The following DPP9 variants were observed in gnomAD, a reference collection of about 807,000 sequenced individuals.
DPP9 encodes dipeptidyl peptidase IV-related protein-2.
Under a neutral mutation model 110.7 loss-of-function variants are expected in DPP9, and 50 were observed. The observed-to-expected ratio is 0.45, with a 90% CI of 0.36 to 0.57. DPP9 has a LOEUF of 0.57. DPP9 is among the 20% of genes least tolerant of loss of function. The probability of loss-of-function intolerance (pLI) is 0.00; values close to 1 mark genes in which losing one functional copy is unlikely to be tolerated. For missense variants in DPP9, 1,022 were observed against 1,217.9 expected, an observed-to-expected ratio of 0.84 and a Z score of 2.39; for synonymous variants, 561 against 514.4, an observed-to-expected ratio of 1.09 and a Z score of -1.23.
chr19:4,685,754 C>T lies in DPP9; in HGVS notation c.1903G>A (p.Val635Ile), dbSNP rs1042334585. The change falls in exon 17 of 22, where the codon GTT (valine) becomes ATT (isoleucine). Residue 635 changes from valine to isoleucine, a missense_variant. Around this residue, in one of 3 missense-constraint regions of DPP9, gnomAD observed 810 missense variants for 920.6 expected, o/e 0.88. Coordinates refer to ENST00000262960, the MANE Select transcript of DPP9 (RefSeq NM_139159.5). The surrounding 1 kb of genome is among the most constrained non-coding windows in gnomAD (Gnocchi z 5.8). ...MEAASCPPDY[V>I]PPEIFHFHTR... ...TGGAAATGGAAGATCTCTGGAGGAA[C>T]ATAATCCGGGGGGCAGCCTGCGGGA... is the stretch of plus-strand genomic sequence containing the variant. 4 of 1,613,188 alleles carry T rather than the reference C, an allele frequency of 2.5e-6. No individual in the cohort carries two copies. Among genetic ancestry groups the T allele is most frequent in the South Asian group, 2.2e-5 (2 of 91,066 alleles).
At chr19:4,714,440 C>T (rs2092982389) in intron 3 of DPP9, 103 bp from the exon 4 acceptor site, 3 of 1,400,498 alleles carry the variant, frequency 2.1e-6, no homozygotes, top group South Asian at 1.5e-5. Context: ...CAGACGAGCC[C>T]CACCCCTGCC....
chr19:4,688,715 G>T, intron 16 of DPP9, 42 bp downstream of exon 16: 1 of 1,385,184 alleles, frequency 7.2e-7, no homozygotes, highest in Non-Finnish European at 9.3e-7. Flanking sequence ...TTTACAGCCG[G>T]GCGGGCGGAG....
chr19:4,706,321 G>T (rs1340644810), intron 4 of DPP9, among the ~76,000 whole-genome samples: 2 of 119,996 alleles, frequency 1.7e-5, no homozygotes, highest in African/African-American at 8.0e-5. Flanking sequence ...ACATAGCAAG[G>T]CCCCGTCTCA....
intron 4 of DPP9, among the ~76,000 whole-genome samples, chr19:4,713,024 C>T (rs2092907271): frequency 6.6e-6 from 1 of 152,230 alleles, no homozygotes; most frequent in Non-Finnish European, 1.5e-5. Flanking sequence ...AGCGCCACCC[C>T]ACCCCCAAGG....
chr19:4,692,151 A>G (rs977112265), intron 13 of DPP9, among the ~76,000 whole-genome samples: 1 of 152,102 alleles, frequency 6.6e-6, no homozygotes, highest in Non-Finnish European at 1.5e-5. Flanking sequence ...CGCTAGGGCT[A>G]GAGACCAAGG....
chr19:4,719,660 A>T, intron 3 of DPP9, 191 bp downstream of exon 3: 1 of 668,050 alleles, frequency 1.5e-6, no homozygotes, highest in Non-Finnish European at 2.6e-6. Context: ...CCCAGCGTCC[A>T]CAGTGCCGAG....
Position 4,689,333 on chromosome 19 carries a change from C to T in DPP9, c.1749+237G>A, listed in dbSNP as rs1387993349. On this transcript the variant is annotated intron_variant, in intron 15 of 21. Transcript: ENST00000262960. The surrounding 1 kb of genome is among the most constrained non-coding windows in gnomAD (Gnocchi z 7.0). The stretch of plus-strand genomic sequence containing the variant: ...CACACAGAGCGGCGGAGCCCCAGCT[C>T]AGCGGACGGGCACTGGGGGGCTCCA... Among the ~76,000 whole-genome samples the T allele has an allele frequency of 6.6e-6, 1 of 152,230 alleles. No homozygotes were observed. The highest frequency in any genetic ancestry group is 2.4e-5 in the African/African-American group (1 of 41,472).
In DPP9 at chr19:4,715,395, C is replaced by G. The variant is rs183618457; in HGVS notation, c.57-1058G>C. On this transcript the variant is annotated intron_variant, in intron 3 of 21. Coordinates refer to ENST00000262960, the MANE Select transcript of DPP9 (RefSeq NM_139159.5). ...CGTCAGAAACCTTTCACACCATCCA[C>G]GCTGAAGCTGGTCTTTCTGCTCATC... The G allele has an allele frequency of 5.9e-5, 9 of 152,358 alleles. No individual in the cohort carries two copies. The East Asian group carries it at 1.7e-3, about 29-fold the overall frequency. The allele number at this position is 152,358 out of a possible 1,614,324, so 9.4% of individuals were successfully genotyped here.
At position 4,702,140 on chromosome 19, in the gene DPP9, T is replaced by C. The variant is rs1367580137; in HGVS notation, c.899A>G (p.Lys300Arg). The change falls in exon 9 of 22, where the codon AAG becomes AGG. Residue 300 changes from lysine (K) to arginine (R), a missense_variant. Physicochemically the swap from Lys to Arg is conservative, Grantham distance 26. This residue lies in a region of DPP9 where 810 missense variants were observed against 920.6 expected (regional missense o/e 0.88). Coordinates refer to ENST00000262960, the MANE Select transcript of DPP9 (RefSeq NM_139159.5). ...TTCCTCATACAGGATTCGCAGCGTC[T>C]TGAGGCCCTCTGAACCTTGGGTGGG... The part of the protein sequence containing the change: ...TASWEGSEGL[K>R]TLRILYEEVD... 1.9e-6 allele frequency: 3 copies of C among 1,613,038 alleles called. No homozygotes were observed. The highest frequency in any genetic ancestry group is 4.5e-5 in the East Asian group (2 of 44,880).
At chr19:4,678,464 G>A (rs977756323) in intron 21 of DPP9, among the ~76,000 whole-genome samples, 4 of 152,198 alleles carry the variant, frequency 2.6e-5, no homozygotes, top group Admixed American at 2.0e-4. Flanking sequence ...CAAGGAGGCC[G>A]AGTTATCATG....
Position 4,682,940 on chromosome 19 carries a change from C to G in DPP9, c.2332-102G>C. On this transcript the variant is annotated intron_variant, in intron 19 of 21. Coordinates refer to ENST00000262960, the MANE Select transcript of DPP9 (RefSeq NM_139159.5). The surrounding 1 kb of genome is among the most constrained non-coding windows in gnomAD (Gnocchi z 7.1). ...GCTGTCCCGGGGCCGCCCTGGAGCC[C>G]GTGAGGAGCGCTCATGCACATGGGG... 2.6e-6 allele frequency: 4 copies of G among 1,535,050 alleles called. No individual in the cohort carries two copies. The highest frequency in any genetic ancestry group is 3.5e-6 in the Non-Finnish European group (4 of 1,146,224).
Position 4,687,986 on chromosome 19 carries a change from T to C in DPP9, c.1885+771A>G, listed in dbSNP as rs1348065467. Among the ~76,000 whole-genome samples, 1 of 152,160 alleles carries C rather than the reference T, an allele frequency of 6.6e-6. No homozygotes were observed. Among genetic ancestry groups the C allele is most frequent in the Non-Finnish European group, 1.5e-5 (1 of 68,018 alleles). On this transcript the variant is annotated intron_variant, in intron 16 of 21. Coordinates refer to ENST00000262960, the MANE Select transcript of DPP9 (RefSeq NM_139159.5). The surrounding 1 kb of genome is among the most constrained non-coding windows in gnomAD (Gnocchi z 4.7). Reference sequence around the variant, plus strand: ...TAATTTTTTGTATTTTTAGTAGAGATGGTGTTTCACCGTGTTAGCCAGGAT... The same window carrying C: ...TAATTTTTTGTATTTTTAGTAGAGACGGTGTTTCACCGTGTTAGCCAGGAT...
chr19:4,699,020 A>G (rs2092029047), intron 10 of DPP9, among the ~76,000 whole-genome samples: 1 of 150,140 alleles, frequency 6.7e-6, no homozygotes, highest in Admixed American at 6.6e-5. Flanking sequence ...TTAGCCGGGC[A>G]TGGTGGTGGG....
chr19:4,723,018 C>T (rs759399970), intron 1 of DPP9, among the ~76,000 whole-genome samples: 33 of 152,140 alleles, frequency 2.2e-4, no homozygotes, highest in Non-Finnish European at 4.4e-4. Context: ...AGAAGGGAGG[C>T]TGAGAGAAGG....
intron 14 of DPP9, 80 bp downstream of exon 14, chr19:4,690,798 C>A (rs951186276): frequency 1.9e-6 from 2 of 1,055,172 alleles, no homozygotes; most frequent in Non-Finnish European, 2.9e-6. Flanking sequence ...TGTGTGTATG[C>A]GCGTGCGTGT....
At chr19:4,705,232 GT>G (rs1296986415) in intron 5 of DPP9, among the ~76,000 whole-genome samples, 2 of 152,106 alleles carry the variant, frequency 1.3e-5, no homozygotes, top group Non-Finnish European at 1.5e-5. Flanking sequence ...TTGCTATATT[GT>G]TACTATTTTA....
At position 4,676,886 on chromosome 19, in the gene DPP9, AG is replaced by A. The variant is rs2088905424; in HGVS notation, c.2587-231del. ...TCTTTGGGAGGATTTGGTAAGACAAAGTTTACAAAACGCCTTGCGGTGTGCA... is the reference window on the plus strand; with the variant it reads ...TCTTTGGGAGGATTTGGTAAGACAAATTTACAAAACGCCTTGCGGTGTGCA... On this transcript the variant is annotated intron_variant, in intron 21 of 21. Transcript: ENST00000262960. This position sits in a 1 kb window ranked among gnomAD's most constrained non-coding sequence, Gnocchi z 4.0. Among the ~76,000 whole-genome samples, 1 of 152,172 alleles carries A rather than the reference AG, an allele frequency of 6.6e-6. No individual in the cohort carries two copies. Among genetic ancestry groups the A allele is most frequent in the South Asian group, 2.1e-4 (1 of 4,834 alleles).
At chr19:4,703,769 G>A (rs1201694076) in intron 7 of DPP9, 117 bp downstream of exon 7, 7 of 1,102,644 alleles carry the variant, frequency 6.3e-6, no homozygotes, top group South Asian at 1.5e-5. Flanking sequence ...AGGTATGCAC[G>A]GGAGGGTGGC....
rs987119683 is a variant in DPP9 at position 4,676,148 on chromosome 19, G to T, written c.*416C>A. The T allele has an allele frequency of 2.1e-5, 4 of 186,562 alleles. No homozygotes were observed. Among genetic ancestry groups the T allele is most frequent in the Non-Finnish European group, 4.4e-5 (4 of 89,982 alleles). 11.6% of individuals were successfully genotyped at this position (186,562 alleles called of 1,614,324 possible). A position where few individuals can be genotyped will look rare whatever the true frequency, so the allele number is the denominator to read the frequency against. ...CAAGTTGGGGAGGCTGGCCGGGGGG[G>T]ACAGGCAATTGCATGCTTGGGTGCT... On this transcript the variant is annotated 3_prime_UTR_variant, in exon 22 of 22. Transcript: ENST00000262960. This position sits in a 1 kb window ranked among gnomAD's most constrained non-coding sequence, Gnocchi z 4.0.
Sources: allele counts gnomAD v4.1 joint callset (sites outside exome capture counted in the v4.1 genomes callset), GRCh38; gene constraint gnomAD v4.1.1; regional missense constraint gnomAD v4.1.1; non-coding constraint Gnocchi (gnomAD v3.1); transcripts MANE v1.5; gene names NCBI Gene and HGNC (gene_info 2026-07-23, HGNC 2026-07-21).